Variants in CALD1 observed in about 807,000 individuals in gnomAD.
CALD1 encodes the protein caldesmon 1, also known as caldesmon.
Under a neutral mutation model 99.9 loss-of-function variants are expected in CALD1, and 33 were observed. The observed-to-expected ratio is 0.33, with a 90% CI of 0.25 to 0.44. The LOEUF (loss-of-function observed/expected upper bound fraction) is 0.44. Ranked by LOEUF, CALD1 falls within the 20% of genes least tolerant of loss-of-function variation. The pLI, the probability that CALD1 is intolerant of heterozygous loss-of-function variation, is 1.00. For synonymous variants in CALD1, 310 were observed against 325.0 expected, an observed-to-expected ratio of 0.95 and a Z score of 0.50; for missense variants, 861 against 962.1, an observed-to-expected ratio of 0.89 and a Z score of 1.39.
At chr7:134,756,912 C>T (rs1288456002) in intron 1 of CALD1, among the ~76,000 whole-genome samples, 2 of 152,172 alleles carry the variant, frequency 1.3e-5, no homozygotes, top group Non-Finnish European at 2.9e-5. Flanking sequence ...TAAATATATG[C>T]AGAATGACTG....
At chr7:134,855,182 G>A (rs1800246890) in intron 2 of CALD1, among the ~76,000 whole-genome samples, 1 of 152,202 alleles carries the variant, frequency 6.6e-6, no homozygotes, top group African/African-American at 2.4e-5. Flanking sequence ...GCAGACTAAT[G>A]CACAGTGCAA....
At chr7:134,879,140 G>A in intron 3 of CALD1, among the ~76,000 whole-genome samples, 1 of 152,196 alleles carries the variant, frequency 6.6e-6, no homozygotes, top group East Asian at 1.9e-4. Flanking sequence ...TTGCTTTCAA[G>A]TCTTCCAAGG....
the CALD1 span, among the ~76,000 whole-genome samples, chr7:134,721,256 G>C: frequency 2.2e-4 from 32 of 146,952 alleles, no homozygotes; most frequent in Middle Eastern, 3.5e-3. Flanking sequence ...GCGATTTTCA[G>C]TTAATTTAAT....
chr7:134,869,265 G>A (rs1800950629), intron 3 of CALD1, among the ~76,000 whole-genome samples: 1 of 152,156 alleles, frequency 6.6e-6, no homozygotes, highest in Admixed American at 6.6e-5. Context: ...AAGAATCCTG[G>A]TGCAAGAAAC....
At chr7:134,800,263 T>G (rs1797892776) in intron 1 of CALD1, among the ~76,000 whole-genome samples, 1 of 152,162 alleles carries the variant, frequency 6.6e-6, no homozygotes, top group Non-Finnish European at 1.5e-5. Flanking sequence ...ATTTTTGGGC[T>G]TCTAATTTGC....
chr7:134,828,846 A>G (rs1177652694), intron 1 of CALD1, among the ~76,000 whole-genome samples: 1 of 152,206 alleles, frequency 6.6e-6, no homozygotes, highest in African/African-American at 2.4e-5. Flanking sequence ...TAGATTTATC[A>G]TATTCTGCTT....
At chr7:134,789,992 TG>T (rs2131745702) in intron 1 of CALD1, among the ~76,000 whole-genome samples, 1 of 150,872 alleles carries the variant, frequency 6.6e-6, no homozygotes, top group South Asian at 2.1e-4. Context: ...TTCCTGAGAT[TG>T]GGTTGTTTTG....
At chr7:134,770,104 AC>A (rs1796864888) in intron 1 of CALD1, among the ~76,000 whole-genome samples, 3 of 152,150 alleles carry the variant, frequency 2.0e-5, no homozygotes, top group Admixed American at 6.5e-5. Flanking sequence ...AATATTAATT[AC>A]CTTTCTCTTT....
At chr7:134,763,000 T>TTAGATC (rs1325835209) in intron 1 of CALD1, among the ~76,000 whole-genome samples, 2 of 152,220 alleles carry the variant, frequency 1.3e-5, no homozygotes, top group African/African-American at 4.8e-5. Flanking sequence ...ACTTGCTCAA[T>TTAGATC]TAGATCTAGA....
intron 3 of CALD1, chr7:134,891,485 A>G: frequency 7.2e-7 from 1 of 1,387,002 alleles, no homozygotes; most frequent in Non-Finnish European, 9.4e-7. Flanking sequence ...CAAAGGGAGA[A>G]CACGGGAGCA....
intron 1 of CALD1, among the ~76,000 whole-genome samples, chr7:134,823,612 A>G (rs1240688569): frequency 6.6e-6 from 1 of 152,190 alleles, no homozygotes; most frequent in Non-Finnish European, 1.5e-5. Context: ...TCTCCTACCA[A>G]ACCAAAAATG....
At chr7:134,822,512 T>G (rs1027415121) in intron 1 of CALD1, among the ~76,000 whole-genome samples, 20 of 152,326 alleles carry the variant, frequency 1.3e-4, no homozygotes, top group African/African-American at 4.3e-4. Flanking sequence ...AATATAGTGA[T>G]TTTTCATAAG....
chr7:134,743,695 A>G (rs1796609966), upstream of CALD1, among the ~76,000 whole-genome samples: 1 of 152,238 alleles, frequency 6.6e-6, no homozygotes, highest in Middle Eastern at 3.2e-3. Flanking sequence ...TGGTTATTAA[A>G]ATATCTGTAT....
intron 5 of CALD1, 115 bp downstream of exon 5, chr7:134,934,192 G>A (rs1339700521): frequency 2.0e-6 from 3 of 1,463,670 alleles, no homozygotes; most frequent in Non-Finnish European, 1.8e-6. Context: ...TGATCATTTG[G>A]CAAGCTGTTC....
At chr7:134,798,261 A>C (rs1291820975) in intron 1 of CALD1, among the ~76,000 whole-genome samples, 1 of 152,212 alleles carries the variant, frequency 6.6e-6, no homozygotes. Flanking sequence ...TCTCTTGAGG[A>C]CTTTCCACCT....
At chr7:134,880,113 T>G (rs1330852759) in intron 3 of CALD1, among the ~76,000 whole-genome samples, 1 of 152,230 alleles carries the variant, frequency 6.6e-6, no homozygotes, top group Non-Finnish European at 1.5e-5. Flanking sequence ...ATTTAGGAAC[T>G]CAACTGACGG....
chr7:134,778,022 T>C (rs1796952413), upstream of CALD1, among the ~76,000 whole-genome samples: 1 of 152,238 alleles, frequency 6.6e-6, no homozygotes, highest in Non-Finnish European at 1.5e-5. Context: ...ATTGACTGTA[T>C]GATTCCCACC....
At chr7:134,837,643 G>A (rs1057270993) in intron 1 of CALD1, among the ~76,000 whole-genome samples, 15 of 152,186 alleles carry the variant, frequency 9.9e-5, no homozygotes, top group Admixed American at 5.9e-4. Context: ...CAATGCACCC[G>A]GCCAACAACA....
intron 1 of CALD1, among the ~76,000 whole-genome samples, chr7:134,747,188 C>T (rs1362058664): frequency 6.6e-6 from 1 of 152,060 alleles, no homozygotes; most frequent in African/African-American, 2.4e-5. Flanking sequence ...ATCATCTCAG[C>T]CCTGGAACCA....
Sources: gnomAD v4.1 joint callset for allele counts (sites outside exome capture counted in the v4.1 genomes callset) on GRCh38, gnomAD v4.1.1 for gene constraint, MANE v1.5 for transcripts, NCBI Gene and HGNC (gene_info 2026-07-23, HGNC 2026-07-21) for gene names.